TNNI3K: variants seen among roughly 807,000 people sequenced by gnomAD.
The protein encoded by TNNI3K is TNNI3 interacting kinase.
In TNNI3K, 140 loss-of-function variants were observed where a neutral mutation model predicts 114.5. The observed-to-expected ratio is 1.22, with a 90% CI of 1.07 to 1.41. The LOEUF is 1.41. Among genes scored for constraint, TNNI3K ranks in the 40% most tolerant of loss-of-function variants. The pLI, the probability that TNNI3K is intolerant of heterozygous loss-of-function variation, is 0.00. For missense variants in TNNI3K, 1,125 were observed against 1,007.6 expected, an observed-to-expected ratio of 1.12 and a Z score of -1.58; for synonymous variants, 347 against 347.5, an observed-to-expected ratio of 1.00 and a Z score of 0.02.
chr1:74,492,399 C>A, intron 23 of TNNI3K, 133 bp downstream of exon 23: 7 of 1,198,324 alleles, frequency 5.8e-6, no homozygotes, highest in Non-Finnish European at 7.6e-6. Context: ...GTTTTCAGCC[C>A]ATTTTTCTTA....
At position 74,354,133 on chromosome 1, in the gene TNNI3K, T is replaced by G. The variant is rs749898391; in HGVS notation, c.1177+4T>G. The G allele has an allele frequency of 6.2e-7, 1 of 1,614,042 alleles. No individual in the cohort carries two copies. Among genetic ancestry groups the G allele is most frequent in the Non-Finnish European group, 8.5e-7 (1 of 1,179,954 alleles). On this transcript the variant is annotated splice_donor_region_variant and intron_variant, in intron 11 of 24. Coordinates refer to ENST00000326637, the MANE Select transcript of TNNI3K (RefSeq NM_015978.3). The stretch of plus-strand genomic sequence containing the variant: ...TTGATGTGGGCTTATGAAAAAGGTA[T>G]ATTTTTAATCATCGTGTCTCTATAG...
intron 17 of TNNI3K, among the ~76,000 whole-genome samples, chr1:74,425,585 T>A (rs1333723672): frequency 6.6e-6 from 1 of 152,136 alleles, no homozygotes; most frequent in East Asian, 1.9e-4. Flanking sequence ...GAATACATTT[T>A]AATTCAGTAT....
chr1:74,511,186 G>T (rs1186746419), intron 23 of TNNI3K, among the ~76,000 whole-genome samples: 2 of 126,932 alleles, frequency 1.6e-5, no homozygotes, highest in African/African-American at 6.4e-5. Flanking sequence ...GAGCTACCGT[G>T]CCCGGCCTAT....
intron 21 of TNNI3K, chr1:74,471,599 C>T (rs1466483273): frequency 2.5e-6 from 1 of 400,596 alleles, no homozygotes; most frequent in Admixed American, 4.4e-5. Context: ...TTTTTAACAT[C>T]CAACTTAGTC....
At chr1:74,414,159 G>A (rs1049272432) in intron 17 of TNNI3K, among the ~76,000 whole-genome samples, 3 of 152,116 alleles carry the variant, frequency 2.0e-5, no homozygotes, top group Non-Finnish European at 4.4e-5. Context: ...AAAATCCTAT[G>A]AAATTTTTAC....
At chr1:74,528,078 A>G (rs1237352689) in intron 23 of TNNI3K, among the ~76,000 whole-genome samples, 1 of 152,192 alleles carries the variant, frequency 6.6e-6, no homozygotes, top group Non-Finnish European at 1.5e-5. Context: ...AACGTTATGT[A>G]TGAGAAGGGT....
intron 17 of TNNI3K, among the ~76,000 whole-genome samples, chr1:74,427,063 C>T (rs1665673495): frequency 6.6e-6 from 1 of 152,000 alleles, no homozygotes; most frequent in African/African-American, 2.4e-5. Context: ...GCTATATCTC[C>T]TTTTTTCTGT....
At chr1:74,241,194 C>G (rs1210409107) in intron 2 of TNNI3K, among the ~76,000 whole-genome samples, 1 of 152,102 alleles carries the variant, frequency 6.6e-6, no homozygotes. Flanking sequence ...TGGGTTGGTG[C>G]TTAGTTCCAA....
intron 21 of TNNI3K, among the ~76,000 whole-genome samples, chr1:74,466,066 C>G (rs1557583638): frequency 6.6e-6 from 1 of 152,172 alleles, no homozygotes; most frequent in Non-Finnish European, 1.5e-5. Flanking sequence ...AGGTCTGCAG[C>G]TTCACTCCTG....
At chr1:74,277,146 T>C (rs1318192639) in intron 5 of TNNI3K, among the ~76,000 whole-genome samples, 1 of 152,174 alleles carries the variant, frequency 6.6e-6, no homozygotes. Context: ...CATTTGGTGG[T>C]ACTTTATCAT....
Position 74,260,075 on chromosome 1 carries a change from G to A in TNNI3K, c.333+9306G>A, listed in dbSNP as rs561932457. Among the ~76,000 whole-genome samples, 36 of 152,032 alleles carry A rather than the reference G, an allele frequency of 2.4e-4. No homozygotes were observed. The East Asian group carries it at 4.8e-3, about 20-fold the overall frequency. On this transcript the variant is annotated intron_variant, in intron 4 of 24. Transcript: ENST00000326637. ...ATATTTTTTAATTTCTTTTCCTGAT[G>A]CAAAATTATTACTTATTTAAAACCA...
intron 5 of TNNI3K, among the ~76,000 whole-genome samples, chr1:74,306,098 T>C (rs943178047): frequency 6.6e-6 from 1 of 152,180 alleles, no homozygotes; most frequent in South Asian, 2.1e-4. Context: ...TATAAGTGAG[T>C]ACATGGAGTA....
intron 17 of TNNI3K, among the ~76,000 whole-genome samples, chr1:74,405,829 C>T (rs183781255): frequency 3.4e-4 from 52 of 152,284 alleles, no homozygotes; most frequent in Middle Eastern, 6.8e-3. Context: ...TTCAAAAAGT[C>T]GGTTGAATAC....
rs749552940 is a variant in TNNI3K at position 74,250,714 on chromosome 1, G to A, written c.278G>A (p.Arg93His). Residue 93 changes from arginine to histidine, a missense_variant, in exon 4 of 25, where the codon CGC becomes CAC. By Grantham distance (29) the Arg-to-His change is conservative. Transcript: ENST00000326637. ...CGAACTCTTATGTTGAAAGGGCTCCGCCCATCTCGACTGACAAGAAATGGA... is the reference window on the plus strand; with the variant it reads ...CGAACTCTTATGTTGAAAGGGCTCCACCCATCTCGACTGACAAGAAATGGA... ...HIRTLMLKGL[R>H]PSRLTRNGFT... 5.6e-6 allele frequency: 9 copies of A among 1,612,986 alleles called. No individual in the cohort carries two copies. Among genetic ancestry groups the A allele is most frequent in the Admixed American group, 1.7e-5 (1 of 59,812 alleles).
chr1:74,534,821 T>C (rs1389850901), intron 23 of TNNI3K, among the ~76,000 whole-genome samples: 3 of 152,164 alleles, frequency 2.0e-5, no homozygotes, highest in African/African-American at 7.2e-5. Context: ...ACGATGGGTT[T>C]ATGTGAAAGT....
intron 5 of TNNI3K, among the ~76,000 whole-genome samples, chr1:74,291,412 A>G (rs564770384): frequency 2.6e-5 from 4 of 151,726 alleles, no homozygotes; most frequent in Admixed American, 2.6e-4. Flanking sequence ...ATAGCCACAT[A>G]ATATATGTTT....
chr1:74,452,859 T>C (rs1302895884), intron 20 of TNNI3K, among the ~76,000 whole-genome samples: 1 of 152,200 alleles, frequency 6.6e-6, no homozygotes, highest in Non-Finnish European at 1.5e-5. Flanking sequence ...ATCCCCAGCA[T>C]GTGTCCTCTC....
intron 21 of TNNI3K, chr1:74,468,404 G>A (rs1667768089): frequency 6.6e-6 from 1 of 152,154 alleles, no homozygotes. Flanking sequence ...CCTTAAAGGT[G>A]CTTTAAAAAT....
intron 4 of TNNI3K, among the ~76,000 whole-genome samples, chr1:74,271,070 G>T (rs903942410): frequency 5.9e-5 from 6 of 101,992 alleles, no homozygotes; most frequent in Non-Finnish European, 9.8e-5. Flanking sequence ...ATTGTGCCTA[G>T]ATTTAATGAT....
Sources: gnomAD v4.1 joint callset for allele counts (sites outside exome capture counted in the v4.1 genomes callset) on GRCh38, gnomAD v4.1.1 for gene constraint, MANE v1.5 for transcripts, NCBI Gene and HGNC (gene_info 2026-07-23, HGNC 2026-07-21) for gene names.